PSEN1: variants seen among roughly 807,000 people sequenced by gnomAD.
The protein encoded by PSEN1 is presenilin 1, also known as presenilin-1.
A neutral mutation model predicts 53.5 loss-of-function variants in PSEN1; 15 were observed. The observed-to-expected ratio is 0.28, with a 90% CI of 0.19 to 0.43. PSEN1 has a LOEUF of 0.43. Ranked by LOEUF, PSEN1 falls within the 20% of genes least tolerant of loss-of-function variation. The pLI is 1.00. For synonymous variants in PSEN1, 208 were observed against 209.8 expected, an observed-to-expected ratio of 0.99 and a Z score of 0.08; for missense variants, 387 against 571.2, an observed-to-expected ratio of 0.68 and a Z score of 3.29.
At chr14:73,185,278 G>C (rs1056770804) in intron 5 of PSEN1, among the ~76,000 whole-genome samples, 4 of 152,122 alleles carry the variant, frequency 2.6e-5, no homozygotes, top group African/African-American at 7.2e-5. Flanking sequence ...AGGTTGTAGC[G>C]AGCCGAGATC....
At chr14:73,164,441 T>A in intron 3 of PSEN1, among the ~76,000 whole-genome samples, 1 of 152,242 alleles carries the variant, frequency 6.6e-6, no homozygotes. Context: ...TAGGAATATG[T>A]ATATGTAGAA....
intron 5 of PSEN1, among the ~76,000 whole-genome samples, chr14:73,178,234 T>A (rs995605544): frequency 6.6e-6 from 1 of 150,618 alleles, no homozygotes; most frequent in Non-Finnish European, 1.5e-5. Flanking sequence ...TTTTTTTTTT[T>A]TTTGAGACCG....
intron 8 of PSEN1, among the ~76,000 whole-genome samples, chr14:73,203,642 AG>A (rs1484255379): frequency 2.6e-5 from 4 of 152,318 alleles, no homozygotes; most frequent in Admixed American, 6.5e-5. Context: ...TCTTACTGAC[AG>A]GAAATGTATG....
At chr14:73,173,828 AT>A in intron 5 of PSEN1, 121 bp downstream of exon 5, 2 of 1,251,532 alleles carry the variant, frequency 1.6e-6, no homozygotes, top group Non-Finnish European at 2.3e-6. Flanking sequence ...AGATAAGTTA[AT>A]TTTTAGTTTT....
intron 7 of PSEN1, among the ~76,000 whole-genome samples, chr14:73,195,299 A>G (rs534033409): frequency 5.9e-4 from 89 of 152,014 alleles, no homozygotes; most frequent in Non-Finnish European, 1.0e-3. Context: ...CAGCCTTCCG[A>G]GTAGCTGGGA....
Position 73,204,297 on chromosome 14 carries a change from C to CTT in PSEN1, c.869-2075_869-2074dup, listed in dbSNP as rs546391770. 1.7e-4 allele frequency among the ~76,000 whole-genome samples: 24 copies of CTT among 137,518 alleles called. No individual in the cohort carries two copies. In the East Asian group the frequency reaches 2.5e-3, roughly 14 times the overall value. The allele number at this position is 137,518 out of a possible 152,430, so 90.2% of individuals were successfully genotyped here. A position where few individuals can be genotyped will look rare whatever the true frequency, so the allele number is the denominator to read the frequency against. On this transcript the variant is annotated intron_variant, in intron 8 of 11. Transcript: ENST00000324501. ...ACAGGTGTGAGCCACCATGCCTGGC[C>CTT]TTTTTTTTTTTTTTTAATTTAAACG...
At chr14:73,188,464 C>T (rs896417637) in intron 6 of PSEN1, among the ~76,000 whole-genome samples, 4 of 151,962 alleles carry the variant, frequency 2.6e-5, no homozygotes, top group East Asian at 1.9e-4. Context: ...TACCAACCTG[C>T]GCAACATAAC....
intron 5 of PSEN1, among the ~76,000 whole-genome samples, chr14:73,179,157 G>A (rs969402488): frequency 1.3e-5 from 2 of 152,158 alleles, no homozygotes; most frequent in Non-Finnish European, 2.9e-5. Flanking sequence ...GCCAAAATGT[G>A]GGAGGAGAGA....
intron 7 of PSEN1, among the ~76,000 whole-genome samples, chr14:73,196,935 T>TC (rs1435461238): frequency 4.7e-4 from 69 of 146,308 alleles, no homozygotes; most frequent in East Asian, 1.4e-3. Context: ...TTTCTTTCTT[T>TC]TTTTTTTTTT....
chr14:73,140,592 T>A, intron 1 of PSEN1, among the ~76,000 whole-genome samples: 1 of 152,184 alleles, frequency 6.6e-6, no homozygotes, highest in Non-Finnish European at 1.5e-5. Flanking sequence ...TTAAAACTAT[T>A]CATTTGTTTC....
intron 3 of PSEN1, 25 bp from the exon 4 acceptor site, chr14:73,170,772 G>A (rs1188282564): frequency 3.1e-6 from 5 of 1,613,456 alleles, no homozygotes; most frequent in Admixed American, 3.3e-5. Flanking sequence ...CTGATTTACT[G>A]AAAATGTTTT....
At chr14:73,217,393 T>A (rs1361532968) in intron 11 of PSEN1, 149 bp downstream of exon 11, 1 of 850,254 alleles carries the variant, frequency 1.2e-6, no homozygotes, top group East Asian at 2.6e-5. Flanking sequence ...CTCACCTTAG[T>A]AGTTCTCTAC....
chr14:73,146,690 A>G (rs1053427663), intron 1 of PSEN1, among the ~76,000 whole-genome samples: 14 of 152,344 alleles, frequency 9.2e-5, no homozygotes, highest in African/African-American at 3.4e-4. Flanking sequence ...TTTTTGATGA[A>G]AAATCATTAG....
At chr14:73,208,396 G>A (rs989849062) in intron 9 of PSEN1, among the ~76,000 whole-genome samples, 46 of 151,950 alleles carry the variant, frequency 3.0e-4, no homozygotes, top group Non-Finnish European at 2.9e-4. Context: ...CAGGCAGGTC[G>A]TCCCATTGTC....
At chr14:73,211,600 G>T (rs1032668183) in intron 9 of PSEN1, among the ~76,000 whole-genome samples, 169 bp from the exon 10 acceptor site, 1 of 152,216 alleles carries the variant, frequency 6.6e-6, no homozygotes, top group African/African-American at 2.4e-5. Flanking sequence ...GGAAATAAAG[G>T]AGAAAATAGC....
At chr14:73,185,703 C>CAAGG (rs1898484848) in intron 5 of PSEN1, among the ~76,000 whole-genome samples, 1 of 152,114 alleles carries the variant, frequency 6.6e-6, no homozygotes, top group African/African-American at 2.4e-5. Context: ...AGTCCCAAGT[C>CAAGG]AAGGGTTGGA....
intron 3 of PSEN1, among the ~76,000 whole-genome samples, chr14:73,160,839 G>A (rs369914882): frequency 3.4e-5 from 4 of 116,336 alleles, no homozygotes; most frequent in African/African-American, 1.0e-4. Flanking sequence ...ATGGAGTCTC[G>A]CTCTGTCGCC....
chr14:73,186,870 T>G lies in PSEN1; in HGVS notation c.498T>G (p.Leu166=). 6.2e-7 allele frequency: 1 copy of G among 1,613,294 alleles called. No homozygotes were observed. Residue 166 remains leucine, a synonymous_variant, in exon 6 of 12, where the codon CTT becomes CTG. Coordinates refer to ENST00000324501, the MANE Select transcript of PSEN1 (RefSeq NM_000021.4). ...YRCYKVIHAW[L]IISSLLLLFF... ...TTTTCTAGGTCATCCATGCCTGGCT[T>G]ATTATATCATCTCTATTGTTGCTGT...
At chr14:73,205,115 A>G (rs1297018971) in intron 8 of PSEN1, among the ~76,000 whole-genome samples, 1 of 152,222 alleles carries the variant, frequency 6.6e-6, no homozygotes, top group African/African-American at 2.4e-5. Flanking sequence ...CCTGAGTATT[A>G]GAAACATGGA....
Sources: allele counts gnomAD v4.1 joint callset (sites outside exome capture counted in the v4.1 genomes callset), GRCh38; gene constraint gnomAD v4.1.1; transcripts MANE v1.5; gene names NCBI Gene and HGNC (gene_info 2026-07-23, HGNC 2026-07-21).